Variants in PPP2R2C observed in about 807,000 individuals in gnomAD.
PPP2R2C encodes the protein protein phosphatase 2 regulatory subunit Bgamma, also known as protein phosphatase 2, regulatory subunit B, gamma.
A neutral mutation model predicts 45.3 loss-of-function variants in PPP2R2C; 10 were observed. The observed-to-expected ratio is 0.22, with a 90% CI of 0.14 to 0.37. The LOEUF (loss-of-function observed/expected upper bound fraction) is 0.37. PPP2R2C is among the 10% of genes least tolerant of loss of function. The pLI is 1.00. For missense variants in PPP2R2C, 308 were observed against 619.7 expected (o/e 0.50, Z 5.34); for synonymous variants, 257 against 245.4 (o/e 1.05, Z -0.44).
intron 1 of PPP2R2C, among the ~76,000 whole-genome samples, chr4:6,456,182 A>G (rs528849614): frequency 6.6e-6 from 1 of 152,246 alleles, no homozygotes; most frequent in Non-Finnish European, 1.5e-5. Flanking sequence ...ATCTGGGAAA[A>G]TGTTGACAGT....
At chr4:6,381,670 G>T (rs1489329288) in intron 1 of PPP2R2C, 2 of 1,513,096 alleles carry the variant, frequency 1.3e-6, no homozygotes, top group African/African-American at 2.8e-5. Context: ...ATCTCTGCTC[G>T]CAGAAGCGAA....
At chr4:6,409,608 GC>G (rs1268032120) in intron 1 of PPP2R2C, among the ~76,000 whole-genome samples, 1 of 152,198 alleles carries the variant, frequency 6.6e-6, no homozygotes, top group Middle Eastern at 3.4e-3. Context: ...ATCGTCACTG[GC>G]CAGAGAGTAG....
intron 2 of PPP2R2C, among the ~76,000 whole-genome samples, chr4:6,522,745 G>T (rs914207892): frequency 6.6e-6 from 1 of 152,258 alleles, no homozygotes; most frequent in Non-Finnish European, 1.5e-5. Context: ...GTCTGCCCTG[G>T]GGCCCTTCTC....
intron 2 of PPP2R2C, among the ~76,000 whole-genome samples, chr4:6,494,577 A>G (rs1454045476): frequency 6.6e-6 from 1 of 152,196 alleles, no homozygotes; most frequent in East Asian, 1.9e-4. Context: ...GGAGTGACAC[A>G]AACCCAGCCC....
upstream of PPP2R2C, among the ~76,000 whole-genome samples, chr4:6,474,391 C>G (rs1722062931): frequency 6.6e-6 from 1 of 152,144 alleles, no homozygotes; most frequent in African/African-American, 2.4e-5. Context: ...GTTGGGGTGG[C>G]CAGTCCTGCT....
intron 1 of PPP2R2C, among the ~76,000 whole-genome samples, chr4:6,413,421 C>A (rs956568809): frequency 6.6e-6 from 1 of 152,252 alleles, no homozygotes; most frequent in Non-Finnish European, 1.5e-5. Context: ...AGGGTCAAAG[C>A]TACTCGGGGT....
intron 7 of PPP2R2C, among the ~76,000 whole-genome samples, chr4:6,333,243 T>C (rs1732558613): frequency 6.6e-6 from 1 of 152,160 alleles, no homozygotes; most frequent in South Asian, 2.1e-4. Context: ...GAAGCCATCG[T>C]CTACATGCTC....
At chr4:6,534,135 AACAC>A (rs1282087593) in intron 2 of PPP2R2C, among the ~76,000 whole-genome samples, 2 of 149,930 alleles carry the variant, frequency 1.3e-5, no homozygotes, top group African/African-American at 4.9e-5. Flanking sequence ...CACATACACT[AACAC>A]ACACACCAAC....
chr4:6,457,859 C>A (rs1257090395), intron 1 of PPP2R2C, among the ~76,000 whole-genome samples: 1 of 152,202 alleles, frequency 6.6e-6, no homozygotes, highest in Non-Finnish European at 1.5e-5. Context: ...CTATGCTTTG[C>A]AGAATTATCT....
intron 2 of PPP2R2C, among the ~76,000 whole-genome samples, chr4:6,497,523 T>C (rs915532543): frequency 2.0e-5 from 3 of 152,040 alleles, no homozygotes; most frequent in African/African-American, 4.8e-5. Flanking sequence ...AAATAAATAC[T>C]AAGTAAACTA....
At chr4:6,392,439 AGG>A (rs1716709970) in intron 1 of PPP2R2C, among the ~76,000 whole-genome samples, 1 of 90,756 alleles carries the variant, frequency 1.1e-5, no homozygotes, top group Non-Finnish European at 2.2e-5. Flanking sequence ...ATGGCATGGG[AGG>A]GGTGGGAGGG....
chr4:6,519,374 C>G (rs1369648090), intron 2 of PPP2R2C, among the ~76,000 whole-genome samples: 4 of 152,198 alleles, frequency 2.6e-5, no homozygotes, highest in African/African-American at 9.7e-5. Context: ...GAGAACAGAG[C>G]CAGGCCCCAT....
chr4:6,547,360 C>T (rs369531164), intron 1 of PPP2R2C, among the ~76,000 whole-genome samples: 193 of 151,894 alleles, frequency 1.3e-3, no homozygotes, highest in African/African-American at 4.5e-3. Context: ...CTGAGTGTCT[C>T]GGTGAAACCA....
intron 1 of PPP2R2C, among the ~76,000 whole-genome samples, chr4:6,390,519 T>C (rs1716541302): frequency 6.6e-6 from 1 of 152,144 alleles, no homozygotes; most frequent in Non-Finnish European, 1.5e-5. Context: ...CCTCCCCATG[T>C]CACCCTCCAG....
At chr4:6,348,676 C>A (rs961782820) in intron 5 of PPP2R2C, 3 of 985,362 alleles carry the variant, frequency 3.0e-6, no homozygotes, top group Middle Eastern at 5.2e-4. Flanking sequence ...AGCTTGGTCA[C>A]CCCTGCTGTG....
At chr4:6,485,522 T>A (rs1722503262) in intron 2 of PPP2R2C, among the ~76,000 whole-genome samples, 1 of 151,964 alleles carries the variant, frequency 6.6e-6, no homozygotes, top group South Asian at 2.1e-4. Flanking sequence ...TGGAAAGGTT[T>A]TAAATTGTAA....
chr4:6,395,587 A>AC (rs1249158306), intron 1 of PPP2R2C, among the ~76,000 whole-genome samples: 1 of 151,426 alleles, frequency 6.6e-6, no homozygotes, highest in Non-Finnish European at 1.5e-5. Context: ...CAGAGGCGGG[A>AC]CCCCCCACAG....
At chr4:6,441,756 G>C (rs1176530443) in intron 1 of PPP2R2C, among the ~76,000 whole-genome samples, 1 of 152,190 alleles carries the variant, frequency 6.6e-6, no homozygotes, top group South Asian at 2.1e-4. Context: ...GAAAGGAGGG[G>C]ATGGGGCCCA....
intron 1 of PPP2R2C, chr4:6,382,271 G>C: frequency 8.0e-7 from 1 of 1,247,254 alleles, no homozygotes. Context: ...GACCTCTGTC[G>C]TTCTTTGCTC....
Sources: allele counts gnomAD v4.1 joint callset (sites outside exome capture counted in the v4.1 genomes callset), GRCh38; gene constraint gnomAD v4.1.1; transcripts MANE v1.5; gene names NCBI Gene and HGNC (gene_info 2026-07-23, HGNC 2026-07-21).